Variants in TRIM24 observed in about 807,000 individuals in gnomAD.
TRIM24 encodes the protein transcription intermediary factor 1-alpha.
In TRIM24, 29 loss-of-function variants were observed where a neutral mutation model predicts 123.9. The ratio of observed to expected loss-of-function variants is 0.23; its 90% CI spans 0.17 to 0.32. TRIM24 has a LOEUF of 0.32. TRIM24 is among the 10% of genes least tolerant of loss of function. The pLI, the probability that TRIM24 is intolerant of heterozygous loss-of-function variation, is 1.00. For missense variants in TRIM24, 932 were observed against 1,295.3 expected (o/e 0.72, Z 4.31); for synonymous variants, 456 against 461.1 (o/e 0.99, Z 0.14).
rs966821440 is a variant in TRIM24 at position 138,587,611 on chromosome 7, C to A, written c.*2660C>A. The A allele has an allele frequency of 6.6e-6, 1 of 152,248 alleles. No individual in the cohort carries two copies. Among genetic ancestry groups the A allele is most frequent in the African/African-American group, 2.4e-5 (1 of 41,456 alleles). The allele number at this position is 152,248 out of a possible 1,614,324, so 9.4% of individuals were successfully genotyped here. A position where few individuals can be genotyped will look rare whatever the true frequency, so the allele number is the denominator to read the frequency against. On this transcript the variant is annotated 3_prime_UTR_variant, in exon 19 of 19. Coordinates refer to ENST00000343526, the MANE Select transcript of TRIM24 (RefSeq NM_015905.3). ...TAAACTTGTACACTCCGGTGTACAT[C>A]TTTGACCATAAACTCTGGGAGATTT...
chr7:138,557,149 G>A (rs773050099), intron 9 of TRIM24, among the ~76,000 whole-genome samples: 4 of 152,176 alleles, frequency 2.6e-5, no homozygotes, highest in Non-Finnish European at 2.9e-5. Flanking sequence ...TGTTGGGAGA[G>A]TCTCTGGAGC....
chr7:138,577,920 C>A (rs1248871441), intron 14 of TRIM24, among the ~76,000 whole-genome samples: 1 of 152,112 alleles, frequency 6.6e-6, no homozygotes, highest in Non-Finnish European at 1.5e-5. Flanking sequence ...CTTATGTACT[C>A]ATTCTCAGGA....
chr7:138,555,323 C>T (rs550581438), intron 9 of TRIM24, among the ~76,000 whole-genome samples: 2 of 152,220 alleles, frequency 1.3e-5, no homozygotes, highest in African/African-American at 2.4e-5. Flanking sequence ...AATCTGCCCT[C>T]TTTGAGGATG....
chr7:138,543,132 T>C (rs908092762), intron 7 of TRIM24, among the ~76,000 whole-genome samples: 1 of 152,212 alleles, frequency 6.6e-6, no homozygotes, highest in Non-Finnish European at 1.5e-5. Flanking sequence ...TTTTTCATTG[T>C]GTTCTGATTT....
intron 9 of TRIM24, among the ~76,000 whole-genome samples, chr7:138,555,229 A>AAATAACCT (rs1057149062): frequency 3.3e-5 from 5 of 152,160 alleles, no homozygotes; most frequent in African/African-American, 1.2e-4. Context: ...TTGTATTCCT[A>AAATAACCT]AATAACCCAG....
chr7:138,538,707 G>A lies in TRIM24; in HGVS notation c.1047G>A (p.Val349=). Residue 349 remains valine, a synonymous_variant, in exon 7 of 19, where the codon GTG becomes GTA. Transcript: ENST00000343526. The stretch of plus-strand genomic sequence containing the variant: ...AACTTATGCAACAACAACAGGAAGT[G>A]GCTGGACTCTCTAAACAATTGGAGC... ...RMKLMQQQQE[V]AGLSKQLEHV... 6.2e-7 allele frequency: 1 copy of A among 1,614,136 alleles called. No individual in the cohort carries two copies. Among genetic ancestry groups the A allele is most frequent in the South Asian group, 1.1e-5 (1 of 91,082 alleles).
chr7:138,485,323 C>A (rs1473263868), intron 1 of TRIM24, among the ~76,000 whole-genome samples: 1 of 151,616 alleles, frequency 6.6e-6, no homozygotes, highest in South Asian at 2.1e-4. Flanking sequence ...ACTGCTATTT[C>A]CAGAACTTTT....
At chr7:138,581,587 T>C in intron 16 of TRIM24, 110 bp from the exon 17 acceptor site, 1 of 894,202 alleles carries the variant, frequency 1.1e-6, no homozygotes, top group Non-Finnish European at 1.7e-6. Context: ...TTCATCTGGG[T>C]TTTAATTTTT....
At chr7:138,530,694 C>T (rs899877442) in intron 6 of TRIM24, among the ~76,000 whole-genome samples, 3 of 151,764 alleles carry the variant, frequency 2.0e-5, no homozygotes, top group Non-Finnish European at 4.4e-5. Context: ...TCTCGAACTA[C>T]TGGGCTCAGG....
chr7:138,538,909 C>G (rs1272768881), intron 7 of TRIM24, 106 bp downstream of exon 7: 1 of 1,023,692 alleles, frequency 9.8e-7, no homozygotes, highest in East Asian at 2.7e-5. Flanking sequence ...TGCTTTTTAC[C>G]TATTTCTAAT....
intron 2 of TRIM24, 49 bp from the exon 3 acceptor site, chr7:138,515,163 C>A (rs762243595): frequency 1.3e-5 from 21 of 1,580,332 alleles, no homozygotes; most frequent in Non-Finnish European, 1.7e-5. Flanking sequence ...CGAGATAGGA[C>A]CACCTTTTCA....
Position 138,460,334 on chromosome 7 carries a change from G to A in TRIM24, c.-215G>A. On this transcript the variant is annotated 5_prime_UTR_variant, in exon 1 of 19. Coordinates refer to ENST00000343526, the MANE Select transcript of TRIM24 (RefSeq NM_015905.3). ...CCCGGTGCGAGGAACGGTCTCCGCT[G>A]ACAGATACCCTCCTTCCGGCCGCGC... 2.3e-6 allele frequency: 1 copy of A among 432,644 alleles called. No homozygotes were observed. Among genetic ancestry groups the A allele is most frequent in the East Asian group, 3.6e-5 (1 of 27,644 alleles). 26.8% of individuals were successfully genotyped at this position (432,644 alleles called of 1,614,324 possible).
chr7:138,530,358 A>G (rs1455111555), intron 6 of TRIM24, among the ~76,000 whole-genome samples: 1 of 152,184 alleles, frequency 6.6e-6, no homozygotes, highest in East Asian at 1.9e-4. Context: ...ACTTGACTGT[A>G]CATCAGAATC....
At chr7:138,480,818 GT>G (rs1183873579) in intron 1 of TRIM24, among the ~76,000 whole-genome samples, 1 of 152,008 alleles carries the variant, frequency 6.6e-6, no homozygotes, top group Non-Finnish European at 1.5e-5. Context: ...CCTCGTGGGT[GT>G]TTCCTGTTAA....
chr7:138,517,620 C>T (rs1236477902), intron 3 of TRIM24, among the ~76,000 whole-genome samples: 2 of 152,062 alleles, frequency 1.3e-5, no homozygotes, highest in South Asian at 2.1e-4. Flanking sequence ...GTGATCCACC[C>T]GCCTTGGGCT....
At chr7:138,478,323 T>C (rs1449590703) in intron 1 of TRIM24, among the ~76,000 whole-genome samples, 1 of 152,144 alleles carries the variant, frequency 6.6e-6, no homozygotes, top group Admixed American at 6.5e-5. Flanking sequence ...CTGAGAAGTA[T>C]ATTGATTAAT....
At chr7:138,566,342 C>A (rs1797535434) in intron 9 of TRIM24, among the ~76,000 whole-genome samples, 2 of 151,952 alleles carry the variant, frequency 1.3e-5, no homozygotes, top group Admixed American at 1.3e-4. Flanking sequence ...ATGGCAAAAC[C>A]CCATCTCTAC....
intron 11 of TRIM24, among the ~76,000 whole-genome samples, chr7:138,573,027 C>T (rs1797688532): frequency 6.6e-6 from 1 of 152,058 alleles, no homozygotes; most frequent in East Asian, 1.9e-4. Context: ...TTAAAGTATC[C>T]CTTTCAGAGG....
intron 2 of TRIM24, 36 bp downstream of exon 2, chr7:138,504,444 G>GTTTTTTTT (rs1563036659): frequency 1.7e-6 from 1 of 603,602 alleles, no homozygotes. Flanking sequence ...TTGCCTGCCA[G>GTTTTTTTT]CTCTTTTTTT....
Sources: allele counts gnomAD v4.1 joint callset (sites outside exome capture counted in the v4.1 genomes callset), GRCh38; gene constraint gnomAD v4.1.1; transcripts MANE v1.5; gene names NCBI Gene and HGNC (gene_info 2026-07-23, HGNC 2026-07-21).